Variants in SPOCK3 observed in about 807,000 individuals in gnomAD.
SPOCK3 encodes SPARC (osteonectin), cwcv and kazal like domains proteoglycan 3.
SPOCK3 carries 30 observed loss-of-function variants against 56.6 expected under a neutral mutation model. The ratio of observed to expected loss-of-function variants is 0.53; its 90% confidence interval spans 0.40 to 0.72. The LOEUF (loss-of-function observed/expected upper bound fraction) is 0.72. Among genes scored for constraint, SPOCK3 ranks in the 30% least tolerant of loss-of-function variants. The pLI is 0.00. For missense variants in SPOCK3, 527 were observed against 530.0 expected, an observed-to-expected ratio of 0.99 and a Z score of 0.06; for synonymous variants, 196 against 183.3, an observed-to-expected ratio of 1.07 and a Z score of -0.56.
chr4:166,767,231 C>T (rs111699110), intron 7 of SPOCK3, among the ~76,000 whole-genome samples: 3 of 152,134 alleles, frequency 2.0e-5, no homozygotes, highest in African/African-American at 2.4e-5. Context: ...CTTCTGCTAG[C>T]TTTTGAATGT....
intron 2 of SPOCK3, among the ~76,000 whole-genome samples, chr4:167,146,813 G>A (rs760547487): frequency 7.9e-5 from 12 of 152,184 alleles, no homozygotes; most frequent in Non-Finnish European, 1.3e-4. Flanking sequence ...TTAAAGCAGT[G>A]TGGAGAGGGA....
chr4:166,919,418 A>G (rs1738242528), intron 4 of SPOCK3, among the ~76,000 whole-genome samples: 1 of 152,218 alleles, frequency 6.6e-6, no homozygotes, highest in Non-Finnish European at 1.5e-5. Flanking sequence ...TGGTGGGCAT[A>G]TTCATAATTA....
chr4:167,098,646 A>G (rs945108002), intron 2 of SPOCK3, among the ~76,000 whole-genome samples: 2 of 151,972 alleles, frequency 1.3e-5, no homozygotes, highest in East Asian at 3.9e-4. Context: ...ACAAAGTCCA[A>G]CGATTTTCCA....
chr4:167,014,188 T>G (rs541688923), intron 3 of SPOCK3, among the ~76,000 whole-genome samples: 50 of 152,128 alleles, frequency 3.3e-4, no homozygotes, highest in Middle Eastern at 6.8e-3. Flanking sequence ...AGCCCTCTAG[T>G]AGGACACAGA....
intron 4 of SPOCK3, among the ~76,000 whole-genome samples, chr4:166,982,343 G>A (rs989756338): frequency 1.2e-4 from 19 of 152,200 alleles, no homozygotes; most frequent in African/African-American, 4.1e-4. Flanking sequence ...CATCATTTAC[G>A]TAGAAAAATC....
chr4:166,940,333 C>T (rs1224999207), intron 4 of SPOCK3, among the ~76,000 whole-genome samples: 2 of 152,112 alleles, frequency 1.3e-5, no homozygotes, highest in African/African-American at 4.8e-5. Flanking sequence ...TCAGCCACTA[C>T]AGCCTCCCTA....
rs74287164 is a variant in SPOCK3, at chr4:166,852,958, T to C, written c.589+36172A>G. Among the ~76,000 whole-genome samples, 398 of 152,316 alleles carry C rather than the reference T, an allele frequency of 2.6e-3. 10 individuals carry two copies. The East Asian group carries it at 0.061, about 23-fold the overall frequency. On this transcript the variant is annotated intron_variant, in intron 6 of 10. Coordinates refer to ENST00000357545, the MANE Select transcript of SPOCK3 (RefSeq NM_001040159.2). ...TATGAACTGCCTGTAAAAGTCTGAATTAGTGAGACCACCTTTGGACTAGAT... is the reference window on the plus strand; with the variant it reads ...TATGAACTGCCTGTAAAAGTCTGAACTAGTGAGACCACCTTTGGACTAGAT...
At position 166,968,379 on chromosome 4, in the gene SPOCK3, C is replaced by T. The variant is rs568035764; in HGVS notation, c.350+31970G>A. ...TGCAGAGACCTTCGTGGCAGCCTCT[C>T]CCATCACAGGCCTGGAGGCCTAGGA... On this transcript the variant is annotated intron_variant, in intron 4 of 10. Transcript: ENST00000357545. 4.5e-4 allele frequency among the ~76,000 whole-genome samples: 69 copies of T among 152,274 alleles called. 2 individuals are homozygous for T. Among genetic ancestry groups the T allele is most frequent in the Middle Eastern group, 3.4e-3 (1 of 294 alleles).
chr4:166,987,485 G>A (rs957317122), intron 4 of SPOCK3, among the ~76,000 whole-genome samples: 2 of 152,076 alleles, frequency 1.3e-5, no homozygotes, highest in African/African-American at 4.8e-5. Flanking sequence ...ACTCCAAAAT[G>A]TGAAAGTAAC....
chr4:166,984,694 G>A (rs1008141264), intron 4 of SPOCK3, among the ~76,000 whole-genome samples: 1 of 152,024 alleles, frequency 6.6e-6, no homozygotes, highest in Admixed American at 6.6e-5. Flanking sequence ...TGTCCTGGAC[G>A]ATGCATAAAA....
chr4:166,744,087 A>G (rs1735241016), intron 8 of SPOCK3, among the ~76,000 whole-genome samples: 1 of 152,198 alleles, frequency 6.6e-6, no homozygotes, highest in African/African-American at 2.4e-5. Context: ...TCCCTGTCTG[A>G]CAGCTTTGAA....
chr4:167,057,240 C>T (rs1040231313), intron 3 of SPOCK3, among the ~76,000 whole-genome samples: 55 of 152,188 alleles, frequency 3.6e-4, no homozygotes, highest in African/African-American at 1.1e-3. Flanking sequence ...AAATGCTCAG[C>T]GATTTTGTCA....
At chr4:167,136,233 T>C (rs1462454751) in intron 2 of SPOCK3, among the ~76,000 whole-genome samples, 1 of 152,070 alleles carries the variant, frequency 6.6e-6, no homozygotes, top group Non-Finnish European at 1.5e-5. Flanking sequence ...TGAGAACCAC[T>C]GTTCTATGGC....
At chr4:167,233,013 G>C (rs115462066) in intron 2 of SPOCK3, among the ~76,000 whole-genome samples, 1 of 152,278 alleles carries the variant, frequency 6.6e-6, no homozygotes, top group Non-Finnish European at 1.5e-5. Context: ...GGTAAGGATT[G>C]GCAATGTGTC....
At chr4:167,109,096 T>TATATTTATATATAAATATATATAAA (rs1561224327) in intron 2 of SPOCK3, among the ~76,000 whole-genome samples, 2 of 290 alleles carry the variant, frequency 6.9e-3, no homozygotes, top group Admixed American at 0.12. Flanking sequence ...TATATAAATA[T>TATATTTATATATAAATATATATAAA]TATATATTTA....
chr4:167,179,567 T>C (rs1731272294), intron 2 of SPOCK3, among the ~76,000 whole-genome samples: 1 of 152,188 alleles, frequency 6.6e-6, no homozygotes, highest in African/African-American at 2.4e-5. Context: ...CTTTATCTAA[T>C]TTATTATGTA....
chr4:167,011,770 G>T (rs1263069914), intron 3 of SPOCK3, among the ~76,000 whole-genome samples: 1 of 151,996 alleles, frequency 6.6e-6, no homozygotes, highest in East Asian at 1.9e-4. Context: ...ATTGAATTCA[G>T]TCTCTTTTGG....
chr4:167,139,336 C>T (rs1430735035), intron 2 of SPOCK3, among the ~76,000 whole-genome samples: 2 of 151,734 alleles, frequency 1.3e-5, no homozygotes, highest in African/African-American at 4.8e-5. Flanking sequence ...ATGAACTACA[C>T]TAGAAAAAGA....
At chr4:167,166,657 T>C (rs1765791502) in intron 2 of SPOCK3, among the ~76,000 whole-genome samples, 1 of 152,076 alleles carries the variant, frequency 6.6e-6, no homozygotes, top group African/African-American at 2.4e-5. Context: ...TTTATGACAA[T>C]GGAAGGTAAA....
Sources: gnomAD v4.1 joint callset for allele counts (sites outside exome capture counted in the v4.1 genomes callset) on GRCh38, gnomAD v4.1.1 for gene constraint, MANE v1.5 for transcripts, NCBI Gene and HGNC (gene_info 2026-07-23, HGNC 2026-07-21) for gene names.